Variants in ATAD3A observed in about 807,000 individuals in gnomAD.
ATAD3A encodes ATPase family AAA domain containing 3A, also known as ATPase family AAA domain-containing protein 3A.
In ATAD3A, 46 loss-of-function variants were observed where a neutral mutation model predicts 73.8. The ratio of observed to expected loss-of-function variants is 0.62; its 90% confidence interval spans 0.49 to 0.80. The LOEUF is 0.80. ATAD3A is among the 30% of genes least tolerant of loss of function. The probability of loss-of-function intolerance (pLI) is 0.00; values close to 1 mark genes in which losing one functional copy is unlikely to be tolerated. For missense variants in ATAD3A, 705 were observed against 838.0 expected, an observed-to-expected ratio of 0.84 and a Z score of 1.96; for synonymous variants, 319 against 350.0, an observed-to-expected ratio of 0.91 and a Z score of 0.99.
chr1:1,512,207 C>T lies in ATAD3A; in HGVS notation c.-62C>T. On this transcript the variant is annotated 5_prime_UTR_variant, in exon 1 of 16. Coordinates refer to ENST00000378756, the MANE Select transcript of ATAD3A (RefSeq NM_001170535.3). ...CGCGGCGCGTGGAGGCTGCTCCCAG[C>T]CGCGCGCGAGTCAGACTCGGGTGGG... 1.6e-6 allele frequency: 2 copies of T among 1,240,812 alleles called. No homozygotes were observed. Among genetic ancestry groups the T allele is most frequent in the Non-Finnish European group, 2.0e-6 (2 of 989,240 alleles). 76.9% of individuals were successfully genotyped at this position (1,240,812 alleles called of 1,614,324 possible). A position where few individuals can be genotyped will look rare whatever the true frequency, so the allele number is the denominator to read the frequency against.
chr1:1,518,316 A>AC (rs1018449746), intron 4 of ATAD3A, among the ~76,000 whole-genome samples: 3 of 67,032 alleles, frequency 4.5e-5, no homozygotes, highest in South Asian at 5.9e-4. Flanking sequence ...GCGCACACAT[A>AC]CCCCCCACAG....
At chr1:1,525,726 T>C (rs1467592441) in intron 12 of ATAD3A, among the ~76,000 whole-genome samples, 2 of 150,866 alleles carry the variant, frequency 1.3e-5, no homozygotes, top group Admixed American at 6.6e-5. Context: ...TTAATTATCA[T>C]TCTAAGACAG....
At position 1,518,169 on chromosome 1, in the gene ATAD3A, G is replaced by A. The variant is rs117277160; in HGVS notation, c.444+394G>A. 3.1e-4 allele frequency among the ~76,000 whole-genome samples: 45 copies of A among 147,122 alleles called. No homozygotes were observed. In the East Asian group the frequency reaches 6.8e-3, roughly 22 times the overall value. On this transcript the variant is annotated intron_variant, in intron 4 of 15. Transcript: ENST00000378756. ...AACATACCCCCACACAACACGGGCAGGCACACACCCACATGGACACTCACA... is the reference window on the plus strand; with the variant it reads ...AACATACCCCCACACAACACGGGCAAGCACACACCCACATGGACACTCACA...
chr1:1,534,066 A>G lies in ATAD3A; in HGVS notation c.1755A>G (p.Pro585=), dbSNP rs745813192. The change falls in exon 16 of 16, where the codon CCA becomes CCG. Residue 585 remains proline, a synonymous_variant. Transcript: ENST00000378756. ...CTGGGCGTGGGGACGAGCCCTCCCCATCCTGAGTCCACAGGGAGATCCACA... is the reference window on the plus strand; with the variant it reads ...CTGGGCGTGGGGACGAGCCCTCCCCGTCCTGAGTCCACAGGGAGATCCACA... The part of the protein sequence containing the change: ...EGPGRGDEPS[P]S 6.2e-7 allele frequency: 1 copy of G among 1,613,378 alleles called. No homozygotes were observed. Among genetic ancestry groups the G allele is most frequent in the Non-Finnish European group, 8.5e-7 (1 of 1,179,890 alleles).
intron 11 of ATAD3A, 78 bp from the exon 12 acceptor site, chr1:1,525,162 C>T (rs1278654278): frequency 6.3e-7 from 1 of 1,594,758 alleles, no homozygotes; most frequent in East Asian, 2.2e-5. Context: ...GCTTGGCCTG[C>T]TCCTGCCGCG....
chr1:1,522,264 C>T (rs1641625733), intron 7 of ATAD3A, among the ~76,000 whole-genome samples: 1 of 152,136 alleles, frequency 6.6e-6, no homozygotes, highest in Non-Finnish European at 1.5e-5. Context: ...TGGTCTTGAA[C>T]TCTTGACCTC....
chr1:1,516,500 G>A (rs1211072755), intron 2 of ATAD3A, among the ~76,000 whole-genome samples: 8 of 152,000 alleles, frequency 5.3e-5, no homozygotes, highest in African/African-American at 1.2e-4. Context: ...TGCAACCTCC[G>A]CTCCTGGGTT....
chr1:1,534,495 AG>A lies in ATAD3A; in HGVS notation c.*425del. 1 of 853,660 alleles carries A rather than the reference AG, an allele frequency of 1.2e-6. No homozygotes were observed. Among genetic ancestry groups the A allele is most frequent in the Non-Finnish European group, 1.6e-6 (1 of 642,932 alleles). The allele number at this position is 853,660 out of a possible 1,614,324, so 52.9% of individuals were successfully genotyped here. ...GGGGGCGCCTGCCAGGGCCAGACCC[AG>A]GTGGGGCAGCCTGAACCCTGCTTCC... On this transcript the variant is annotated 3_prime_UTR_variant, in exon 16 of 16. Coordinates refer to ENST00000378756, the MANE Select transcript of ATAD3A (RefSeq NM_001170535.3).
At chr1:1,531,602 T>A (rs931157169) in intron 15 of ATAD3A, among the ~76,000 whole-genome samples, 2 of 148,814 alleles carry the variant, frequency 1.3e-5, no homozygotes, top group Non-Finnish European at 3.0e-5. Context: ...TGGAACCCCA[T>A]CTCTAATAAA....
rs1641688485 is a variant in ATAD3A, at chr1:1,523,621, G to C, written c.963+54G>C. The C allele has an allele frequency of 1.2e-6, 2 of 1,610,462 alleles. No individual in the cohort carries two copies. The highest frequency in any genetic ancestry group is 3.3e-5 in the Admixed American group (2 of 59,746). ...GCGCAGGGAGGGGACCCTGGAGCTG[G>C]GCCGGGCTGTGGCCCTTGCTGGCGC... On this transcript the variant is annotated intron_variant, in intron 9 of 15. Transcript: ENST00000378756. This position sits in a 1 kb window ranked among gnomAD's most constrained non-coding sequence, Gnocchi z 5.1.
At position 1,512,421 on chromosome 1, in the gene ATAD3A, C is replaced by A; in HGVS notation, c.153C>A (p.Asp51Glu). 8.1e-7 allele frequency: 1 copy of A among 1,230,930 alleles called. No homozygotes were observed. The highest frequency in any genetic ancestry group is 1.0e-6 in the Non-Finnish European group (1 of 981,974). The allele number at this position is 1,230,930 out of a possible 1,614,324, so 76.3% of individuals were successfully genotyped here. The change falls in exon 1 of 16, where the codon GAC becomes GAA. Residue 51 changes from aspartate to glutamate, a missense_variant. This residue lies in a region of ATAD3A where 125 missense variants were observed against 170.6 expected (regional missense o/e 0.73). Transcript: ENST00000378756. ...CCAAGGACAAATGGAGCAACTTCGA[C>A]CCCACCGGCCTGGAGCGCGCCGCCA... ...PAPKDKWSNF[D>E]PTGLERAAKA...
At position 1,518,956 on chromosome 1, in the gene ATAD3A, G is replaced by A. The variant is rs775052601; in HGVS notation, c.480G>A (p.Glu160=). 1.4e-5 allele frequency: 22 copies of A among 1,614,062 alleles called. No individual in the cohort carries two copies. The South Asian group carries it at 1.8e-4, about 13-fold the overall frequency. ...LLNEENLRKQ[E]ESVQKQEAMR... ...ATGAGGAGAATTTACGGAAGCAGGA[G>A]GAGTCCGTGCAGAAGCAGGAAGCCA... Residue 160 remains glutamate, a synonymous_variant, in exon 5 of 16, where the codon GAG becomes GAA. Transcript: ENST00000378756.
intron 2 of ATAD3A, among the ~76,000 whole-genome samples, chr1:1,516,810 C>T (rs557624819): frequency 6.6e-6 from 1 of 152,018 alleles, no homozygotes; most frequent in East Asian, 1.9e-4. Flanking sequence ...CTCTACCTCC[C>T]GGGTTCAACC....
chr1:1,528,742 G>A (rs951785282), intron 14 of ATAD3A, among the ~76,000 whole-genome samples: 2 of 152,348 alleles, frequency 1.3e-5, no homozygotes, highest in South Asian at 2.1e-4. Context: ...CCCTGCTGTC[G>A]CCAGTGATGA....
In ATAD3A at chr1:1,527,085, C is replaced by T. The variant is rs148721813; in HGVS notation, c.1337+554C>T. The T allele has an allele frequency of 9.3e-6, 10 of 1,078,264 alleles. No homozygotes were observed. In the East Asian group the frequency reaches 2.4e-4, roughly 26 times the overall value. 66.8% of individuals were successfully genotyped at this position (1,078,264 alleles called of 1,614,324 possible). On this transcript the variant is annotated intron_variant, in intron 13 of 15. Transcript: ENST00000378756. The stretch of plus-strand genomic sequence containing the variant: ...GCCCAGAGGTCCCCCATAGGGTGAC[C>T]GCCCCATGGCCAGGCTCCCTAGTCC...
At chr1:1,524,855 C>G (rs1034477592) in intron 11 of ATAD3A, among the ~76,000 whole-genome samples, 21 of 151,232 alleles carry the variant, frequency 1.4e-4, no homozygotes, top group Non-Finnish European at 2.4e-4. Flanking sequence ...GTGGCCTCGG[C>G]TGTCCTCGTT....
Position 1,533,921 on chromosome 1 carries a change from A to C in ATAD3A, c.1615-5A>C. ...GCCTCCCTCAGCTGCCTCTCTCCCC[A>C]CTAGGCCACGGCGTATGCCTCCGAG... On this transcript the variant is annotated splice_region_variant and splice_polypyrimidine_tract_variant and intron_variant, in intron 15 of 15. Coordinates refer to ENST00000378756, the MANE Select transcript of ATAD3A (RefSeq NM_001170535.3). 3 of 1,611,964 alleles carry C rather than the reference A, an allele frequency of 1.9e-6. No homozygotes were observed. Among genetic ancestry groups the C allele is most frequent in the Non-Finnish European group, 2.5e-6 (3 of 1,179,584 alleles).
intron 15 of ATAD3A, among the ~76,000 whole-genome samples, chr1:1,533,634 G>A (rs555501117): frequency 3.9e-5 from 6 of 152,240 alleles, no homozygotes; most frequent in African/African-American, 1.2e-4. Flanking sequence ...CCTGCCTCTC[G>A]GAAGCTGCCC....
rs561574623 is a variant in ATAD3A, at chr1:1,520,118, G to A, written c.515-23G>A. 6.2e-7 allele frequency: 1 copy of A among 1,604,258 alleles called. No homozygotes were observed. The highest frequency in any genetic ancestry group is 1.3e-5 in the African/African-American group (1 of 74,894). ...GACGCGCTGCACTGCATGGTGCTGA[G>A]CTGCCCTGCCTCTCTGGGGCAGCCA... On this transcript the variant is annotated intron_variant, in intron 5 of 15. Coordinates refer to ENST00000378756, the MANE Select transcript of ATAD3A (RefSeq NM_001170535.3). This position sits in a 1 kb window ranked among gnomAD's most constrained non-coding sequence, Gnocchi z 4.0.
Sources: gnomAD v4.1 joint callset for allele counts (sites outside exome capture counted in the v4.1 genomes callset) on GRCh38, gnomAD v4.1.1 for gene constraint, gnomAD v4.1.1 regional missense constraint, Gnocchi (gnomAD v3.1) non-coding constraint, MANE v1.5 for transcripts, NCBI Gene and HGNC (gene_info 2026-07-23, HGNC 2026-07-21) for gene names.